GNA14: variants seen among roughly 807,000 people sequenced by gnomAD.
The protein encoded by GNA14 is guanine nucleotide-binding protein subunit alpha-14.
In GNA14, 50 loss-of-function variants were observed where a neutral mutation model predicts 42.0. The ratio of observed to expected loss-of-function variants is 1.19; its 90% confidence interval spans 0.95 to 1.51. The LOEUF (loss-of-function observed/expected upper bound fraction) is 1.51, where lower values mean the gene tolerates loss of function less well. Ranked by LOEUF, GNA14 falls within the 40% of genes most tolerant of loss-of-function variation. The pLI is 0.00. For synonymous variants in GNA14, 173 were observed against 163.1 expected, an observed-to-expected ratio of 1.06 and a Z score of -0.46; for missense variants, 473 against 446.2, an observed-to-expected ratio of 1.06 and a Z score of -0.54.
rs139616008 is a variant in GNA14 at position 77,575,525 on chromosome 9, C to T, written c.125-46272G>A. Among the ~76,000 whole-genome samples, 152 of 152,268 alleles carry T rather than the reference C, an allele frequency of 1.0e-3. 1 individual carries two copies. The highest frequency in any genetic ancestry group is 3.4e-3 in the African/African-American group (143 of 41,540). On this transcript the variant is annotated intron_variant, in intron 1 of 6. Coordinates refer to ENST00000341700, the MANE Select transcript of GNA14 (RefSeq NM_004297.4). Reference sequence around the variant, plus strand: ...ACTTGATAGTAAATGTTTATTAACGCTTGTAAATTAAAAATTACTTGAAGA... The same window carrying T: ...ACTTGATAGTAAATGTTTATTAACGTTTGTAAATTAAAAATTACTTGAAGA...
At chr9:77,478,332 C>T (rs964964817) in intron 2 of GNA14, among the ~76,000 whole-genome samples, 8 of 152,100 alleles carry the variant, frequency 5.3e-5, no homozygotes, top group African/African-American at 1.9e-4. Context: ...CCAATTTCAT[C>T]CATGTCCCTA....
intron 1 of GNA14, among the ~76,000 whole-genome samples, chr9:77,600,261 A>G (rs745763271): frequency 9.2e-5 from 14 of 152,182 alleles, no homozygotes; most frequent in Non-Finnish European, 1.6e-4. Flanking sequence ...TGCAATTCGC[A>G]CCAGTAATTT....
At chr9:77,451,077 G>C (rs116808470) in intron 2 of GNA14, among the ~76,000 whole-genome samples, 3,710 of 152,106 alleles carry the variant, frequency 0.024, 153 homozygotes, top group African/African-American at 0.084. Context: ...AGACTAATAC[G>C]GCATCTGAGT....
chr9:77,521,761 G>A (rs1198329850), intron 2 of GNA14, among the ~76,000 whole-genome samples: 2 of 152,210 alleles, frequency 1.3e-5, no homozygotes, highest in African/African-American at 2.4e-5. Context: ...ATCAAAATAT[G>A]TATTAATGAT....
At chr9:77,510,633 T>G (rs912201984) in intron 2 of GNA14, among the ~76,000 whole-genome samples, 2 of 152,250 alleles carry the variant, frequency 1.3e-5, no homozygotes, top group Non-Finnish European at 2.9e-5. Flanking sequence ...ATGGGTACTG[T>G]GGCAGTTAGG....
At chr9:77,623,630 C>G in intron 1 of GNA14, among the ~76,000 whole-genome samples, 1 of 152,268 alleles carries the variant, frequency 6.6e-6, no homozygotes, top group South Asian at 2.1e-4. Context: ...TGAGCCAAAG[C>G]AGGGTGGGGC....
At chr9:77,592,544 G>T (rs1255366400) in intron 1 of GNA14, among the ~76,000 whole-genome samples, 1 of 152,032 alleles carries the variant, frequency 6.6e-6, no homozygotes. Flanking sequence ...CACCCCTTTG[G>T]GGGAGACAAG....
At chr9:77,529,406 C>T (rs929026846) in intron 1 of GNA14, among the ~76,000 whole-genome samples, 153 bp from the exon 2 acceptor site, 6 of 152,076 alleles carry the variant, frequency 3.9e-5, no homozygotes, top group African/African-American at 1.4e-4. Context: ...ATGCAGTTTT[C>T]GGTTACAGAG....
At chr9:77,618,620 A>ATTTTT (rs1163590134) in intron 1 of GNA14, among the ~76,000 whole-genome samples, 1 of 10,418 alleles carries the variant, frequency 9.6e-5, no homozygotes, top group Non-Finnish European at 1.5e-4. Context: ...ATATATATAT[A>ATTTTT]TTTTTTTTTT....
chr9:77,635,295 T>C (rs1210662065), intron 1 of GNA14: 2 of 152,228 alleles, frequency 1.3e-5, no homozygotes, highest in Non-Finnish European at 2.9e-5. Context: ...GTATATGTGC[T>C]GCTGAAGTGA....
chr9:77,425,986 T>G (rs1032317596), intron 5 of GNA14, among the ~76,000 whole-genome samples: 50 of 152,262 alleles, frequency 3.3e-4, no homozygotes, highest in Admixed American at 2.4e-3. Flanking sequence ...TGGAACGAAG[T>G]AAGAAAGGCT....
At chr9:77,541,847 A>G (rs978207917) in intron 1 of GNA14, among the ~76,000 whole-genome samples, 2 of 152,114 alleles carry the variant, frequency 1.3e-5, no homozygotes, top group African/African-American at 4.8e-5. Flanking sequence ...AACGTATTTC[A>G]TATTTCATTT....
chr9:77,461,016 A>G (rs528468883), intron 2 of GNA14, among the ~76,000 whole-genome samples: 20 of 152,246 alleles, frequency 1.3e-4, no homozygotes, highest in Non-Finnish European at 2.6e-4. Context: ...TCTCTAACTC[A>G]ATTTATCTAA....
At chr9:77,435,031 G>T (rs1835620838) in intron 2 of GNA14, among the ~76,000 whole-genome samples, 2 of 148,750 alleles carry the variant, frequency 1.3e-5, no homozygotes, top group South Asian at 4.3e-4. Flanking sequence ...TCATCAGTCT[G>T]GGATTTTGTT....
At chr9:77,455,137 C>G (rs1277596903) in intron 2 of GNA14, among the ~76,000 whole-genome samples, 1 of 152,178 alleles carries the variant, frequency 6.6e-6, no homozygotes, top group Non-Finnish European at 1.5e-5. Flanking sequence ...CTCATTCAGG[C>G]TGATGGCAGG....
rs763838371 is a variant in GNA14, at chr9:77,425,679, T to C, written c.760A>G (p.Ile254Val). The change falls in exon 6 of 7, where the codon ATC becomes GTC. Residue 254 changes from isoleucine to valine, a missense_variant. By Grantham distance (29) the Ile-to-Val change is conservative (BLOSUM62 3). Transcript: ENST00000341700. ...MEESKALFKT[I>V]ITYPWFLNSS... is the part of the protein sequence containing the mutation. ...TTCAGAAACCAGGGGTAGGTGATGATGGTTTTAAATAAGGCTTTGCTCTCT... is the reference window on the plus strand; with the variant it reads ...TTCAGAAACCAGGGGTAGGTGATGACGGTTTTAAATAAGGCTTTGCTCTCT... The C allele has an allele frequency of 6.2e-7, 1 of 1,611,090 alleles. No individual in the cohort carries two copies. Among genetic ancestry groups the C allele is most frequent in the Non-Finnish European group, 8.5e-7 (1 of 1,177,610 alleles).
At chr9:77,635,863 A>AC (rs1271416801) in intron 1 of GNA14, among the ~76,000 whole-genome samples, 1 of 152,120 alleles carries the variant, frequency 6.6e-6, no homozygotes, top group Non-Finnish European at 1.5e-5. Context: ...GACCTTTGCC[A>AC]CCCCATCCAT....
chr9:77,480,409 T>A (rs1186017951), intron 2 of GNA14, among the ~76,000 whole-genome samples: 2 of 152,218 alleles, frequency 1.3e-5, no homozygotes, highest in Non-Finnish European at 2.9e-5. Flanking sequence ...GCCCACTTGA[T>A]CATGGTGGAT....
chr9:77,624,736 AC>A (rs1200674406), intron 1 of GNA14, among the ~76,000 whole-genome samples: 3 of 152,138 alleles, frequency 2.0e-5, no homozygotes, highest in African/African-American at 7.2e-5. Context: ...CCACTCAGAA[AC>A]CCCATCCAAA....
Sources: allele counts gnomAD v4.1 joint callset (sites outside exome capture counted in the v4.1 genomes callset), GRCh38; gene constraint gnomAD v4.1.1; transcripts MANE v1.5; gene names NCBI Gene and HGNC (gene_info 2026-07-23, HGNC 2026-07-21).